PCLO: variants seen among roughly 807,000 people sequenced by gnomAD.
PCLO encodes protein piccolo.
PCLO carries 82 observed loss-of-function variants against 427.5 expected under a neutral mutation model. The ratio of observed to expected loss-of-function variants is 0.19; its 90% CI spans 0.16 to 0.23. The LOEUF is 0.23. Ranked by LOEUF, PCLO falls within the 10% of genes least tolerant of loss-of-function variation. PCLO has a pLI of 1.00. For missense variants in PCLO, 6,239 were observed against 6,115.9 expected (o/e 1.02, Z -0.67); for synonymous variants, 2,357 against 2,155.4 (o/e 1.09, Z -2.59).
rs114570467 is a variant in PCLO, at chr7:82,960,154, T to C, written c.4018-3219A>G. 5.4e-3 allele frequency among the ~76,000 whole-genome samples: 828 copies of C among 152,368 alleles called. 7 individuals are homozygous for C. Among genetic ancestry groups the C allele is most frequent in the African/African-American group, 0.018 (763 of 41,586 alleles). On this transcript the variant is annotated intron_variant, in intron 4 of 24. Transcript: ENST00000333891. ...GCAAAGAAAGGATGCAGTGTTAAGT[T>C]TTTGTTTAATTTTCCATTTATTTTG...
At chr7:83,011,165 T>C (rs1485867895) in intron 3 of PCLO, among the ~76,000 whole-genome samples, 1 of 152,106 alleles carries the variant, frequency 6.6e-6, no homozygotes, top group Non-Finnish European at 1.5e-5. Context: ...CAGGAGATAA[T>C]GAAAAACTTT....
Position 82,915,289 on chromosome 7 carries a change from T to C in PCLO, c.12697A>G (p.Arg4233Gly). The C allele has an allele frequency of 6.2e-7, 1 of 1,613,664 alleles. No individual in the cohort carries two copies. The highest frequency in any genetic ancestry group is 8.5e-7 in the Non-Finnish European group (1 of 1,179,728). ...ATGTCATCTTGAAGGAGCCTTGCCC[T>C]GGAGGAAATGCCACCAATAGATGAA... is the stretch of plus-strand genomic sequence containing the variant. ...STSSIGGISS[R>G]ARLLQDDITF... The change falls in exon 7 of 25, where the codon AGG (arginine) becomes GGG (glycine). Residue 4233 changes from arginine (R) to glycine (G), a missense_variant. Arg to Gly is a moderately radical substitution (Grantham distance 125). This residue lies in a region of PCLO where 680 missense variants were observed against 677.3 expected (regional missense o/e 1.00). Coordinates refer to ENST00000333891, the MANE Select transcript of PCLO (RefSeq NM_033026.6).
chr7:82,953,101 G>A lies in PCLO; in HGVS notation c.7852C>T (p.Pro2618Ser), dbSNP rs759415107. The change falls in exon 5 of 25, where the codon CCT (proline) becomes TCT (serine). Residue 2618 changes from proline to serine, a missense_variant. Coordinates refer to ENST00000333891, the MANE Select transcript of PCLO (RefSeq NM_033026.6). ...ACAGGAGGAACTACAGAAAACACAG[G>A]TTCAACAGAAACCAGATCTTTGGAG... ...SPSKDLVSVE[P>S]VFSVVPPVTA... The A allele has an allele frequency of 5.6e-6, 9 of 1,613,754 alleles. No homozygotes were observed. The highest frequency in any genetic ancestry group is 3.3e-5 in the Admixed American group (2 of 59,978).
chr7:82,911,575 G>T (rs1794321991), intron 7 of PCLO, among the ~76,000 whole-genome samples: 1 of 151,958 alleles, frequency 6.6e-6, no homozygotes, highest in African/African-American at 2.4e-5. Flanking sequence ...AAATATCGGT[G>T]AAATATATAT....
chr7:82,991,054 G>T (rs530398253), intron 3 of PCLO, among the ~76,000 whole-genome samples: 1 of 152,038 alleles, frequency 6.6e-6, no homozygotes, highest in Non-Finnish European at 1.5e-5. Context: ...TTCAATAAAC[G>T]TTGATGAACA....
intron 3 of PCLO, among the ~76,000 whole-genome samples, chr7:82,981,484 C>A (rs760501660): frequency 5.3e-5 from 8 of 151,884 alleles, no homozygotes; most frequent in Non-Finnish European, 1.0e-4. Context: ...AAGTGACAGG[C>A]GATATCACCA....
chr7:83,112,121 G>A (rs577362057), intron 3 of PCLO, among the ~76,000 whole-genome samples: 29 of 152,152 alleles, frequency 1.9e-4, no homozygotes, highest in Middle Eastern at 6.8e-3. Flanking sequence ...GCAGTGGCAC[G>A]ATCTTGGTAC....
intron 17 of PCLO, 139 bp downstream of exon 17, chr7:82,827,734 C>T: frequency 2.0e-6 from 1 of 506,512 alleles, no homozygotes. Context: ...TTTCCATTGG[C>T]TACATTTCTT....
At chr7:82,761,702 C>A (rs1052931397) in intron 22 of PCLO, among the ~76,000 whole-genome samples, 1 of 151,798 alleles carries the variant, frequency 6.6e-6, no homozygotes, top group Non-Finnish European at 1.5e-5. Flanking sequence ...ATAAAATACA[C>A]AAAATTTATC....
rs1026903122 is a variant in PCLO at position 83,136,943 on chromosome 7, G to T, written c.1894-1287C>A. Among the ~76,000 whole-genome samples, 13 of 151,924 alleles carry T rather than the reference G, an allele frequency of 8.6e-5. 1 individual carries two copies. The East Asian group carries it at 2.5e-3, about 29-fold the overall frequency. The stretch of plus-strand genomic sequence containing the variant: ...TCTAAAATAATGTTTCCTTATAATA[G>T]ATTATTTTAAATATTACCAAAATAA... On this transcript the variant is annotated intron_variant, in intron 2 of 24. Transcript: ENST00000333891.
At chr7:82,960,165 T>G (rs1795624841) in intron 4 of PCLO, among the ~76,000 whole-genome samples, 1 of 152,226 alleles carries the variant, frequency 6.6e-6, no homozygotes, top group Admixed American at 6.5e-5. Context: ...TTTGTTTAAT[T>G]TTCCATTTAT....
intron 3 of PCLO, among the ~76,000 whole-genome samples, chr7:83,082,487 G>A (rs1015100641): frequency 2.0e-5 from 3 of 151,726 alleles, no homozygotes; most frequent in African/African-American, 4.8e-5. Flanking sequence ...ATGGTTACAC[G>A]AGGCTAGGAA....
At chr7:83,058,959 C>T (rs1370018148) in intron 3 of PCLO, among the ~76,000 whole-genome samples, 1 of 151,956 alleles carries the variant, frequency 6.6e-6, no homozygotes, top group Non-Finnish European at 1.5e-5. Flanking sequence ...AGTCCTCTCC[C>T]CCCTCCTTAA....
At position 82,951,132 on chromosome 7, in the gene PCLO, C is replaced by A; in HGVS notation, c.9456G>T (p.Thr3152=). The A allele has an allele frequency of 6.2e-7, 1 of 1,613,684 alleles. No individual in the cohort carries two copies. Among genetic ancestry groups the A allele is most frequent in the Non-Finnish European group, 8.5e-7 (1 of 1,179,728 alleles). The change falls in exon 6 of 25, where the codon ACG becomes ACT. Residue 3152 remains threonine, a synonymous_variant. Coordinates refer to ENST00000333891, the MANE Select transcript of PCLO (RefSeq NM_033026.6). ...SYFITTGASE[T]DIAVTGIDIS... ...TATCAATACCAGTTACTGCAATGTC[C>A]GTTTCAGATGCACCTGTTGTTATAA...
At chr7:83,071,993 T>G (rs1318732114) in intron 3 of PCLO, among the ~76,000 whole-genome samples, 1 of 152,138 alleles carries the variant, frequency 6.6e-6, no homozygotes, top group Non-Finnish European at 1.5e-5. Flanking sequence ...GAATATGTGA[T>G]TCAAACAGGT....
intron 5 of PCLO, 132 bp from the exon 6 acceptor site, chr7:82,951,622 C>A: frequency 1.2e-6 from 1 of 852,156 alleles, no homozygotes; most frequent in Non-Finnish European, 1.8e-6. Flanking sequence ...TAATTATATG[C>A]GGAATGAAAG....
At chr7:82,802,359 G>A (rs978250637) in intron 21 of PCLO, among the ~76,000 whole-genome samples, 4 of 152,082 alleles carry the variant, frequency 2.6e-5, no homozygotes, top group Non-Finnish European at 4.4e-5. Context: ...AGGCATGCTC[G>A]TAGTAGCCTT....
intron 3 of PCLO, among the ~76,000 whole-genome samples, chr7:83,131,785 C>T (rs1039232797): frequency 6.6e-6 from 1 of 151,820 alleles, no homozygotes; most frequent in Non-Finnish European, 1.5e-5. Context: ...AAAACATAGA[C>T]ACACAACAAA....
intron 3 of PCLO, among the ~76,000 whole-genome samples, chr7:83,021,292 T>G (rs1310402572): frequency 1.3e-5 from 2 of 152,132 alleles, no homozygotes; most frequent in African/African-American, 4.8e-5. Flanking sequence ...GTTGTCTTGG[T>G]GTATTGGTCT....
Sources: allele counts gnomAD v4.1 joint callset (sites outside exome capture counted in the v4.1 genomes callset), GRCh38; gene constraint gnomAD v4.1.1; regional missense constraint gnomAD v4.1.1; transcripts MANE v1.5; gene names NCBI Gene and HGNC (gene_info 2026-07-23, HGNC 2026-07-21).